CIRSR: variants seen among roughly 807,000 people sequenced by gnomAD.
CIRSR encodes the protein corepressor of RBPJ and splicing regulator.
the CIRSR span, among the ~76,000 whole-genome samples, chr2:174,389,854 T>A: frequency 6.6e-6 from 1 of 152,174 alleles, no homozygotes; most frequent in East Asian, 1.9e-4. Flanking sequence ...GCCCCAAACC[T>A]TGGCAGCTTC....
the CIRSR span, among the ~76,000 whole-genome samples, chr2:174,357,877 A>T: frequency 6.6e-6 from 1 of 152,182 alleles, no homozygotes; most frequent in Non-Finnish European, 1.5e-5. Flanking sequence ...GGTGATTTTT[A>T]TTTATATAGA....
the CIRSR span, among the ~76,000 whole-genome samples, chr2:174,360,245 TTTA>T: frequency 0.051 from 7,832 of 152,126 alleles, 632 homozygotes; most frequent in African/African-American, 0.17. Context: ...ATATTGAGAG[TTTA>T]TTATTTTATC....
chr2:174,368,940 C>T, the CIRSR span, among the ~76,000 whole-genome samples: 1 of 152,110 alleles, frequency 6.6e-6, no homozygotes, highest in Admixed American at 6.6e-5. Context: ...TTAAGGGCCC[C>T]AGAATTTTCA....
At chr2:174,392,773 T>TTTGGGG in the CIRSR span, among the ~76,000 whole-genome samples, 1 of 152,192 alleles carries the variant, frequency 6.6e-6, no homozygotes, top group South Asian at 2.1e-4. Context: ...AAAGGGCTGA[T>TTTGGGG]TTGGGGTAAA....
the CIRSR span, among the ~76,000 whole-genome samples, chr2:174,377,593 G>C: frequency 6.6e-6 from 1 of 151,784 alleles, no homozygotes; most frequent in African/African-American, 2.4e-5. Context: ...GAGGCAGGTG[G>C]ATCAATTTGA....
chr2:174,364,680 A>G, the CIRSR span, among the ~76,000 whole-genome samples: 1 of 152,252 alleles, frequency 6.6e-6, no homozygotes, highest in Non-Finnish European at 1.5e-5. Flanking sequence ...ACCACATGGA[A>G]GCTGCCAAGG....
chr2:174,395,537 G>C, the CIRSR span: 2 of 1,613,536 alleles, frequency 1.2e-6, no homozygotes, highest in South Asian at 1.1e-5. Context: ...CCCTCCCCGG[G>C]TCTGTTTACT....
chr2:174,381,744 G>T, the CIRSR span: 1 of 1,597,142 alleles, frequency 6.3e-7, no homozygotes, highest in Non-Finnish European at 8.5e-7. Context: ...TGAAATTAAG[G>T]CCATTCTTTA....
the CIRSR span, among the ~76,000 whole-genome samples, chr2:174,392,496 C>T: frequency 6.6e-6 from 1 of 152,012 alleles, no homozygotes; most frequent in Non-Finnish European, 1.5e-5. Context: ...TTTGAGAGGA[C>T]TCAAGATTGG....
At chr2:174,354,569 TTA>T in the CIRSR span, among the ~76,000 whole-genome samples, 1 of 15,412 alleles carries the variant, frequency 6.5e-5, no homozygotes, top group Non-Finnish European at 2.1e-4. Context: ...ATTTTATATA[TTA>T]TATTATATAT....
chr2:174,357,821 T>C, the CIRSR span, among the ~76,000 whole-genome samples: 1 of 152,212 alleles, frequency 6.6e-6, no homozygotes, highest in Non-Finnish European at 1.5e-5. Flanking sequence ...ACATGCAGCA[T>C]AACACCCAGG....
the CIRSR span, among the ~76,000 whole-genome samples, chr2:174,372,143 T>C: frequency 6.6e-6 from 1 of 152,256 alleles, no homozygotes; most frequent in Non-Finnish European, 1.5e-5. Flanking sequence ...CTGCTAAATT[T>C]TAAGTCAAAC....
chr2:174,349,077 G>C, the CIRSR span: 1 of 1,566,190 alleles, frequency 6.4e-7, no homozygotes, highest in Admixed American at 2.0e-5. Context: ...TGAGGAAGAA[G>C]AGGACTTATG....
chr2:174,387,636 C>A, the CIRSR span: 1 of 1,526,502 alleles, frequency 6.6e-7, no homozygotes, highest in Non-Finnish European at 8.8e-7. Context: ...GGAAATTATT[C>A]CCATGAAATT....
chr2:174,371,893 T>A, the CIRSR span, among the ~76,000 whole-genome samples: 1 of 152,216 alleles, frequency 6.6e-6, no homozygotes, highest in African/African-American at 2.4e-5. Flanking sequence ...GAAATTGCCT[T>A]ATTGCAAAAA....
At chr2:174,352,519 C>T in the CIRSR span, among the ~76,000 whole-genome samples, 2 of 152,032 alleles carry the variant, frequency 1.3e-5, no homozygotes, top group East Asian at 1.9e-4. Flanking sequence ...GAGGCAGAGG[C>T]GGGAGGATCA....
chr2:174,351,089 TA>T, the CIRSR span, among the ~76,000 whole-genome samples: 2 of 152,220 alleles, frequency 1.3e-5, no homozygotes, highest in African/African-American at 4.8e-5. Flanking sequence ...ATTTTTAATT[TA>T]ATGAAATATA....
chr2:174,363,685 T>A, the CIRSR span, among the ~76,000 whole-genome samples: 1 of 152,178 alleles, frequency 6.6e-6, no homozygotes, highest in Non-Finnish European at 1.5e-5. Context: ...GCAAGTCATG[T>A]CTTACATGGA....
At chr2:174,391,482 C>T in the CIRSR span, among the ~76,000 whole-genome samples, 1 of 152,064 alleles carries the variant, frequency 6.6e-6, no homozygotes, top group Non-Finnish European at 1.5e-5. Flanking sequence ...CCCAGCTACT[C>T]GGAAAGCTGA....
Sources: allele counts gnomAD v4.1 joint callset (sites outside exome capture counted in the v4.1 genomes callset), GRCh38; gene constraint gnomAD v4.1.1; transcripts MANE v1.5; gene names NCBI Gene and HGNC (gene_info 2026-07-23, HGNC 2026-07-21).